Variants in MFHAS1 observed in about 807,000 individuals in gnomAD.
MFHAS1 encodes multifunctional ROCO family signaling regulator 1, also known as malignant fibrous histiocytoma-amplified sequence 1.
In MFHAS1, 50 loss-of-function variants were observed where a neutral mutation model predicts 70.4. That is an observed-to-expected ratio of 0.71 (90% CI 0.57 to 0.90). The LOEUF (loss-of-function observed/expected upper bound fraction) is 0.90. Among genes scored for constraint, MFHAS1 ranks in the 40% least tolerant of loss-of-function variants. The pLI is 0.00. For missense variants in MFHAS1, 1,795 were observed against 1,347.6 expected, an observed-to-expected ratio of 1.33 and a Z score of -5.20; for synonymous variants, 952 against 620.0, an observed-to-expected ratio of 1.54 and a Z score of -7.96.
rs1810025616 is a variant in MFHAS1 at position 8,891,377 on chromosome 8, T to C, written c.1682A>G (p.Gln561Arg). Reference sequence around the variant, plus strand: ...CAGTCCCTCCGCGTCGTGCTTCTCCTGCAGGGCGATCTGGCGGTGAATGTC... The same window carrying C: ...CAGTCCCTCCGCGTCGTGCTTCTCCCGCAGGGCGATCTGGCGGTGAATGTC... The part of the protein sequence containing the change: ...CLDIHRQIAL[Q>R]EKHDAEGLSR... Residue 561 changes from glutamine (Q) to arginine (R), a missense_variant, in exon 1 of 3, where the codon CAG becomes CGG. Physicochemically the swap from Gln to Arg is conservative, Grantham distance 43 (BLOSUM62 1). Transcript: ENST00000276282. This position sits in a 1 kb window ranked among gnomAD's most constrained non-coding sequence, Gnocchi z 5.4. 1 of 1,611,836 alleles carries C rather than the reference T, an allele frequency of 6.2e-7. No individual in the cohort carries two copies. Among genetic ancestry groups the C allele is most frequent in the East Asian group, 2.2e-5 (1 of 44,884 alleles).
intron 1 of MFHAS1, among the ~76,000 whole-genome samples, chr8:8,884,632 C>A (rs1809680211): frequency 6.6e-6 from 1 of 152,116 alleles, no homozygotes; most frequent in Admixed American, 6.6e-5. Context: ...ACAATACTAC[C>A]TGGGATTTTC....
intron 1 of MFHAS1, among the ~76,000 whole-genome samples, chr8:8,865,036 G>A (rs1808804531): frequency 6.6e-6 from 1 of 152,082 alleles, no homozygotes; most frequent in South Asian, 2.1e-4. Context: ...AGCACTTGAG[G>A]AGGGCAAGGT....
chr8:8,842,384 C>A (rs1471567084), intron 1 of MFHAS1, among the ~76,000 whole-genome samples: 1 of 152,108 alleles, frequency 6.6e-6, no homozygotes, highest in African/African-American at 2.4e-5. Context: ...CAGGGTTTCA[C>A]CACGTTCACC....
chr8:8,864,893 C>T (rs1808798926), intron 1 of MFHAS1, among the ~76,000 whole-genome samples: 1 of 152,190 alleles, frequency 6.6e-6, no homozygotes, highest in African/African-American at 2.4e-5. Context: ...CAAAAAATTA[C>T]TTGAGATTTC....
intron 1 of MFHAS1, among the ~76,000 whole-genome samples, chr8:8,828,725 G>T (rs564045522): frequency 6.6e-6 from 1 of 152,194 alleles, no homozygotes; most frequent in African/African-American, 2.4e-5. Flanking sequence ...CAAGGCCCAC[G>T]CCACCTTTAT....
chr8:8,792,371 C>T (rs11249891), intron 2 of MFHAS1, among the ~76,000 whole-genome samples: 69,644 of 152,126 alleles, frequency 0.46, 17,397 homozygotes, highest in East Asian at 0.86. Context: ...GAGGCCAAGG[C>T]GGGCAGATTA....
chr8:8,803,534 A>T (rs1276007312), intron 1 of MFHAS1, among the ~76,000 whole-genome samples: 3 of 151,540 alleles, frequency 2.0e-5, no homozygotes, highest in Admixed American at 1.3e-4. Context: ...AAAAAAAAGA[A>T]AGAAAAAGAA....
intron 1 of MFHAS1, among the ~76,000 whole-genome samples, chr8:8,855,116 A>G (rs1244220023): frequency 6.6e-6 from 1 of 152,106 alleles, no homozygotes; most frequent in Non-Finnish European, 1.5e-5. Flanking sequence ...CAGCATACCA[A>G]AATTATTTTT....
At chr8:8,804,883 G>C (rs1343440148) in intron 1 of MFHAS1, among the ~76,000 whole-genome samples, 1 of 152,162 alleles carries the variant, frequency 6.6e-6, no homozygotes, top group Non-Finnish European at 1.5e-5. Flanking sequence ...TCCTTGTTTA[G>C]CCCAACTCCT....
intron 1 of MFHAS1, among the ~76,000 whole-genome samples, chr8:8,885,465 G>A (rs1038400797): frequency 2.6e-5 from 4 of 152,148 alleles, no homozygotes; most frequent in South Asian, 2.1e-4. Flanking sequence ...CTGCAGGCCC[G>A]TGTCCTAACC....
chr8:8,872,813 C>T, intron 1 of MFHAS1, among the ~76,000 whole-genome samples: 1 of 152,150 alleles, frequency 6.6e-6, no homozygotes, highest in Middle Eastern at 3.4e-3. Context: ...ATACAGTAAC[C>T]AGGGAAAAGC....
chr8:8,852,498 CACAA>C (rs1808285747), intron 1 of MFHAS1, among the ~76,000 whole-genome samples: 1 of 151,946 alleles, frequency 6.6e-6, no homozygotes, highest in Non-Finnish European at 1.5e-5. Context: ...CACACATACA[CACAA>C]ACACACACAC....
At chr8:8,837,601 C>T (rs1807645179) in intron 1 of MFHAS1, among the ~76,000 whole-genome samples, 1 of 151,926 alleles carries the variant, frequency 6.6e-6, no homozygotes, top group South Asian at 2.1e-4. Flanking sequence ...CAAGATCGCG[C>T]CACTGCACTC....
rs146624381 is a variant in MFHAS1, at chr8:8,874,089, C to T, written c.2998+15972G>A. 1.5e-4 allele frequency among the ~76,000 whole-genome samples: 23 copies of T among 152,162 alleles called. No homozygotes were observed. The East Asian group carries it at 4.1e-3, about 27-fold the overall frequency. On this transcript the variant is annotated intron_variant, in intron 1 of 2. Transcript: ENST00000276282. The stretch of plus-strand genomic sequence containing the variant: ...AACCCTCGAGGCTTTTTTTAGGTCC[C>T]ACCACTTTGATTTAGAGATTTGTCT...
chr8:8,891,369 G>A lies in MFHAS1; in HGVS notation c.1690C>T (p.His564Tyr). 1 of 1,611,350 alleles carries A rather than the reference G, an allele frequency of 6.2e-7. No individual in the cohort carries two copies. The highest frequency in any genetic ancestry group is 1.7e-5 in the Admixed American group (1 of 60,018). Residue 564 changes from histidine to tyrosine, a missense_variant, in exon 1 of 3, where the codon CAC (histidine) becomes TAC (tyrosine). Coordinates refer to ENST00000276282, the MANE Select transcript of MFHAS1 (RefSeq NM_004225.3). The surrounding 1 kb of genome is among the most constrained non-coding windows in gnomAD (Gnocchi z 5.4). ...IHRQIALQEK[H>Y]DAEGLSRLAK... Reference sequence around the variant, plus strand: ...AAGCGGCTCAGTCCCTCCGCGTCGTGCTTCTCCTGCAGGGCGATCTGGCGG... The same window carrying A: ...AAGCGGCTCAGTCCCTCCGCGTCGTACTTCTCCTGCAGGGCGATCTGGCGG...
intron 1 of MFHAS1, among the ~76,000 whole-genome samples, chr8:8,886,998 A>C (rs1246881895): frequency 6.6e-6 from 1 of 152,140 alleles, no homozygotes; most frequent in African/African-American, 2.4e-5. Context: ...GTGGTGGCGC[A>C]TGCCTCTAAT....
At chr8:8,865,940 T>A (rs1444431731) in intron 1 of MFHAS1, among the ~76,000 whole-genome samples, 2 of 152,210 alleles carry the variant, frequency 1.3e-5, no homozygotes, top group Non-Finnish European at 2.9e-5. Flanking sequence ...CCTCTCCTTG[T>A]TCAGGCGGCT....
intron 1 of MFHAS1, among the ~76,000 whole-genome samples, chr8:8,818,771 G>A (rs544377516): frequency 6.6e-6 from 1 of 152,316 alleles, no homozygotes; most frequent in African/African-American, 2.4e-5. Context: ...TATGAGAGAA[G>A]CAACTGCAAG....
intron 2 of MFHAS1, among the ~76,000 whole-genome samples, chr8:8,789,050 G>A (rs945315691): frequency 3.3e-5 from 5 of 152,038 alleles, no homozygotes; most frequent in African/African-American, 7.2e-5. Flanking sequence ...AATTATTGTC[G>A]GTTTGAAGGA....
Sources: allele counts gnomAD v4.1 joint callset (sites outside exome capture counted in the v4.1 genomes callset), GRCh38; gene constraint gnomAD v4.1.1; non-coding constraint Gnocchi (gnomAD v3.1); transcripts MANE v1.5; gene names NCBI Gene and HGNC (gene_info 2026-07-23, HGNC 2026-07-21).